Variants in CADM2 observed in about 807,000 individuals in gnomAD.
The protein encoded by CADM2 is cell adhesion molecule 2.
Under a neutral mutation model 49.8 loss-of-function variants are expected in CADM2, and 12 were observed. The observed-to-expected ratio is 0.24, with a 90% confidence interval of 0.15 to 0.39. The LOEUF (loss-of-function observed/expected upper bound fraction) is 0.39, where lower values mean the gene tolerates loss of function less well. Among genes scored for constraint, CADM2 ranks in the 10% least tolerant of loss-of-function variants. CADM2 has a pLI of 1.00. For synonymous variants in CADM2, 214 were observed against 175.4 expected, an observed-to-expected ratio of 1.22 and a Z score of -1.74; for missense variants, 378 against 492.3, an observed-to-expected ratio of 0.77 and a Z score of 2.20.
intron 8 of CADM2, among the ~76,000 whole-genome samples, chr3:86,056,013 G>C (rs1169334441): frequency 2.0e-5 from 3 of 152,140 alleles, no homozygotes; most frequent in Non-Finnish European, 4.4e-5. Context: ...TTTCTCAGCA[G>C]CAAATGGCCC....
chr3:85,363,854 G>T (rs893810881), intron 1 of CADM2, among the ~76,000 whole-genome samples: 1 of 151,034 alleles, frequency 6.6e-6, no homozygotes, highest in African/African-American at 2.4e-5. Flanking sequence ...CTCGTGATCC[G>T]CCCGCCTCGG....
intron 8 of CADM2, chr3:85,993,809 G>A (rs969912459): frequency 6.6e-6 from 1 of 151,392 alleles, no homozygotes; most frequent in Non-Finnish European, 1.5e-5. Context: ...CTTTTTCTGA[G>A]CAGTAGGTCT....
At chr3:85,597,130 T>C (rs2063266859) in intron 1 of CADM2, among the ~76,000 whole-genome samples, 1 of 152,098 alleles carries the variant, frequency 6.6e-6, no homozygotes, top group Non-Finnish European at 1.5e-5. Context: ...TGTGATATTG[T>C]AATGTTTTAT....
intron 1 of CADM2, among the ~76,000 whole-genome samples, chr3:85,551,497 A>G (rs1398190665): frequency 6.6e-6 from 1 of 152,126 alleles, no homozygotes; most frequent in Non-Finnish European, 1.5e-5. Flanking sequence ...TCACTGAATA[A>G]GTGAATGCAT....
chr3:85,290,545 C>A (rs1037326378), intron 1 of CADM2, among the ~76,000 whole-genome samples: 12 of 152,210 alleles, frequency 7.9e-5, no homozygotes, highest in Non-Finnish European at 1.3e-4. Flanking sequence ...CCCTGTCTGA[C>A]AGCTTTGAAG....
chr3:85,132,175 T>G (rs2107611221), intron 1 of CADM2, among the ~76,000 whole-genome samples: 1 of 152,314 alleles, frequency 6.6e-6, no homozygotes, highest in South Asian at 2.1e-4. Flanking sequence ...CCTTTTCAGT[T>G]AAAAAAGGTT....
intron 1 of CADM2, among the ~76,000 whole-genome samples, chr3:85,585,091 C>A (rs1425486641): frequency 6.6e-6 from 1 of 151,918 alleles, no homozygotes; most frequent in Non-Finnish European, 1.5e-5. Flanking sequence ...CCATTCTGAG[C>A]AGCGTAATGG....
rs527712801 is a variant in CADM2 at position 86,071,235 on chromosome 3, T to C, written c.*4452T>C. Reference sequence around the variant, plus strand: ...TCATAGATTGTAGCAAGTACAAATGTATTCAATGAAAGAACATAGGGTAGT... The same window carrying C: ...TCATAGATTGTAGCAAGTACAAATGCATTCAATGAAAGAACATAGGGTAGT... On this transcript the variant is annotated 3_prime_UTR_variant, in exon 10 of 10. Coordinates refer to ENST00000383699, the MANE Select transcript of CADM2 (RefSeq NM_001167675.2). 6.6e-6 allele frequency: 1 copy of C among 152,070 alleles called. No individual in the cohort carries two copies. Among genetic ancestry groups the C allele is most frequent in the South Asian group, 2.1e-4 (1 of 4,830 alleles). The allele number at this position is 152,070 out of a possible 1,614,324, so 9.4% of individuals were successfully genotyped here.
chr3:85,394,692 T>C (rs2034684644), intron 1 of CADM2, among the ~76,000 whole-genome samples: 1 of 152,208 alleles, frequency 6.6e-6, no homozygotes, highest in South Asian at 2.1e-4. Flanking sequence ...TTCCTTGGAC[T>C]TCATTTATCA....
chr3:85,662,282 A>G (rs189386349), intron 1 of CADM2, among the ~76,000 whole-genome samples: 9 of 149,942 alleles, frequency 6.0e-5, no homozygotes, highest in East Asian at 5.9e-4. Context: ...GGATGATGCC[A>G]GCAATGTGGT....
intron 8 of CADM2, among the ~76,000 whole-genome samples, chr3:85,966,667 A>G (rs1725514989): frequency 6.6e-6 from 1 of 151,672 alleles, no homozygotes; most frequent in Non-Finnish European, 1.5e-5. Context: ...ATGATACTAT[A>G]TAGTAAGTTA....
intron 1 of CADM2, among the ~76,000 whole-genome samples, chr3:85,106,040 C>A (rs1295984503): frequency 6.6e-6 from 1 of 151,988 alleles, no homozygotes. Flanking sequence ...CACATGTATA[C>A]ATATGTAACA....
intron 5 of CADM2, among the ~76,000 whole-genome samples, chr3:85,893,120 T>G (rs1407507943): frequency 6.6e-6 from 1 of 152,132 alleles, no homozygotes; most frequent in Non-Finnish European, 1.5e-5. Flanking sequence ...TTCAGAGAGA[T>G]AATTTAGAGT....
At chr3:86,052,928 A>T (rs1020262588) in intron 8 of CADM2, among the ~76,000 whole-genome samples, 1 of 152,124 alleles carries the variant, frequency 6.6e-6, no homozygotes, top group East Asian at 1.9e-4. Flanking sequence ...CTGTCATTAT[A>T]TCAGTGTCTA....
intron 1 of CADM2, among the ~76,000 whole-genome samples, chr3:85,079,939 C>T (rs1212132031): frequency 4.6e-5 from 7 of 151,802 alleles, no homozygotes; most frequent in Admixed American, 6.6e-5. Flanking sequence ...TGTACTATCA[C>T]ATTTCCACTC....
intron 3 of CADM2, among the ~76,000 whole-genome samples, chr3:85,823,450 A>C (rs1409108449): frequency 2.0e-5 from 3 of 152,146 alleles, no homozygotes; most frequent in African/African-American, 7.2e-5. Flanking sequence ...GAAAACAAAC[A>C]AACAAAAACA....
chr3:85,991,844 T>C (rs1728807879), intron 8 of CADM2, among the ~76,000 whole-genome samples: 1 of 152,124 alleles, frequency 6.6e-6, no homozygotes, highest in Non-Finnish European at 1.5e-5. Context: ...TTTGCTATCA[T>C]TGATTTATAA....
chr3:85,391,253 G>C (rs540472647), intron 1 of CADM2, among the ~76,000 whole-genome samples: 1 of 152,000 alleles, frequency 6.6e-6, no homozygotes, highest in Non-Finnish European at 1.5e-5. Flanking sequence ...CTAGTTGAAA[G>C]AAATAAAAGA....
At chr3:85,759,025 C>T (rs948690988) in intron 2 of CADM2, among the ~76,000 whole-genome samples, 1 of 151,954 alleles carries the variant, frequency 6.6e-6, no homozygotes, top group African/African-American at 2.4e-5. Flanking sequence ...AATGCTATTG[C>T]ACATGTAGGT....
Sources: gnomAD v4.1 joint callset for allele counts (sites outside exome capture counted in the v4.1 genomes callset) on GRCh38, gnomAD v4.1.1 for gene constraint, MANE v1.5 for transcripts, NCBI Gene and HGNC (gene_info 2026-07-23, HGNC 2026-07-21) for gene names.